The following SLC24A3 variants were observed in gnomAD, a reference collection of about 807,000 sequenced individuals.
SLC24A3 encodes solute carrier family 24 member 3.
A neutral mutation model predicts 75.8 loss-of-function variants in SLC24A3; 28 were observed. The observed-to-expected ratio is 0.37, with a 90% CI of 0.27 to 0.51. SLC24A3 has a LOEUF of 0.51. Among genes scored for constraint, SLC24A3 ranks in the 20% least tolerant of loss-of-function variants. The pLI is 0.94. For missense variants in SLC24A3, 663 were observed against 847.8 expected, an observed-to-expected ratio of 0.78 and a Z score of 2.71; for synonymous variants, 372 against 334.1, an observed-to-expected ratio of 1.11 and a Z score of -1.24.
chr20:19,689,184 A>C (rs1474506397), intron 12 of SLC24A3, among the ~76,000 whole-genome samples: 1 of 152,124 alleles, frequency 6.6e-6, no homozygotes, highest in East Asian at 1.9e-4. Context: ...AAGCAAAATT[A>C]TGTTTTTTCT....
At chr20:19,676,492 A>C (rs911082207) in intron 9 of SLC24A3, among the ~76,000 whole-genome samples, 13 of 152,206 alleles carry the variant, frequency 8.5e-5, no homozygotes. Context: ...CTGCAATCAG[A>C]GGCTTTAATC....
At chr20:19,443,582 T>G (rs1459104573) in intron 2 of SLC24A3, among the ~76,000 whole-genome samples, 1 of 152,214 alleles carries the variant, frequency 6.6e-6, no homozygotes, top group Non-Finnish European at 1.5e-5. Flanking sequence ...GTTGATTCTT[T>G]GGAATTTTCT....
intron 2 of SLC24A3, among the ~76,000 whole-genome samples, chr20:19,423,630 A>G (rs1986952963): frequency 6.6e-6 from 1 of 152,190 alleles, no homozygotes. Flanking sequence ...TTAATAACAC[A>G]GCATCATCCA....
intron 13 of SLC24A3, chr20:19,695,833 C>G (rs1291184985): frequency 6.6e-6 from 1 of 152,096 alleles, no homozygotes; most frequent in Non-Finnish European, 1.5e-5. Flanking sequence ...TACGTAGCAC[C>G]CACTTATGAG....
chr20:19,424,447 TG>T (rs1188735382), intron 2 of SLC24A3, among the ~76,000 whole-genome samples: 1 of 152,122 alleles, frequency 6.6e-6, no homozygotes, highest in Non-Finnish European at 1.5e-5. Context: ...CCCAGCATTT[TG>T]GGAGGCTGAG....
At chr20:19,436,635 A>T (rs1987209399) in intron 2 of SLC24A3, among the ~76,000 whole-genome samples, 1 of 152,182 alleles carries the variant, frequency 6.6e-6, no homozygotes, top group African/African-American at 2.4e-5. Context: ...CTTGGTGTGT[A>T]TTCATGTATC....
intron 6 of SLC24A3, among the ~76,000 whole-genome samples, chr20:19,609,556 C>G (rs1389004446): frequency 6.6e-6 from 1 of 152,046 alleles, no homozygotes; most frequent in African/African-American, 2.4e-5. Flanking sequence ...TCCTAATGCT[C>G]TCCCTCCCCT....
At chr20:19,251,837 G>A (rs578152148) in intron 1 of SLC24A3, among the ~76,000 whole-genome samples, 2 of 152,282 alleles carry the variant, frequency 1.3e-5, no homozygotes, top group Non-Finnish European at 2.9e-5. Context: ...CAGGGCAGCC[G>A]GGGTCCCCAA....
chr20:19,509,172 G>A (rs1013969432), intron 2 of SLC24A3, among the ~76,000 whole-genome samples: 8 of 152,184 alleles, frequency 5.3e-5, no homozygotes, highest in Non-Finnish European at 8.8e-5. Flanking sequence ...CCCATCTACA[G>A]ATGAAGGAAA....
chr20:19,253,704 G>A (rs1042847405), intron 1 of SLC24A3, among the ~76,000 whole-genome samples: 3 of 152,184 alleles, frequency 2.0e-5, no homozygotes, highest in Admixed American at 6.5e-5. Flanking sequence ...CCTATTGTGG[G>A]CCTAACCCAG....
chr20:19,305,501 C>A (rs1234691227), intron 2 of SLC24A3, among the ~76,000 whole-genome samples: 1 of 151,806 alleles, frequency 6.6e-6, no homozygotes. Context: ...TCTTGCCTTG[C>A]TTGAGTGTTT....
intron 6 of SLC24A3, among the ~76,000 whole-genome samples, chr20:19,639,996 G>T (rs1373038739): frequency 6.6e-6 from 1 of 152,240 alleles, no homozygotes. Context: ...GCGCAGCCCT[G>T]ATTCCCGCTG....
chr20:19,298,767 C>G lies in SLC24A3; in HGVS notation c.271+17680C>G, dbSNP rs537370511. On this transcript the variant is annotated intron_variant, in intron 2 of 16. Coordinates refer to ENST00000328041, the MANE Select transcript of SLC24A3 (RefSeq NM_020689.4). ...AATCAATGAAATAGTTGGTATCATT[C>G]CCAGTTACCACTGTGAGCAACTCAG... is the stretch of plus-strand genomic sequence containing the variant. Among the ~76,000 whole-genome samples, 13 of 152,324 alleles carry G rather than the reference C, an allele frequency of 8.5e-5. 1 individual carries two copies. Among genetic ancestry groups the G allele is most frequent in the African/African-American group, 3.1e-4 (13 of 41,580 alleles).
Position 19,685,215 on chromosome 20 carries a change from G to A in SLC24A3, c.1178G>A (p.Arg393Lys). The change falls in exon 12 of 17, where the codon AGG (arginine) becomes AAG (lysine). Residue 393 changes from arginine to lysine, a missense_variant. Physicochemically the swap from Arg to Lys is conservative, Grantham distance 26. This residue lies in a region of SLC24A3 where 510 missense variants were observed against 703.6 expected (regional missense o/e 0.72). Transcript: ENST00000328041. ...ACAGGGCCCAGCAGTGCCCCAGACA[G>A]GGGCGTGAATGGGACACGGAGGGAC... ...NGTGPSSAPD[R>K]GVNGTRRDDV... 6.2e-7 allele frequency: 1 copy of A among 1,614,198 alleles called. No individual in the cohort carries two copies. The highest frequency in any genetic ancestry group is 8.5e-7 in the Non-Finnish European group (1 of 1,180,028).
chr20:19,456,349 C>A (rs955146305), intron 2 of SLC24A3, among the ~76,000 whole-genome samples: 3 of 152,108 alleles, frequency 2.0e-5, no homozygotes, highest in African/African-American at 7.2e-5. Flanking sequence ...ATCGTGGGGG[C>A]AGTTTCCCCC....
chr20:19,466,939 A>G (rs1419794165), intron 2 of SLC24A3, among the ~76,000 whole-genome samples: 1 of 152,230 alleles, frequency 6.6e-6, no homozygotes, highest in East Asian at 1.9e-4. Context: ...GAGGAATAAG[A>G]CAGGGTCCCT....
intron 2 of SLC24A3, among the ~76,000 whole-genome samples, chr20:19,476,833 G>A (rs774143604): frequency 6.6e-6 from 1 of 152,138 alleles, no homozygotes; most frequent in Non-Finnish European, 1.5e-5. Context: ...GAGGAGGAAC[G>A]ATAGCACAGC....
At chr20:19,441,810 C>G (rs1348790083) in intron 2 of SLC24A3, among the ~76,000 whole-genome samples, 1 of 152,092 alleles carries the variant, frequency 6.6e-6, no homozygotes, top group Non-Finnish European at 1.5e-5. Flanking sequence ...CCCTAAAAAT[C>G]CTCAGTGCTC....
At chr20:19,267,158 T>C (rs911604338) in intron 1 of SLC24A3, among the ~76,000 whole-genome samples, 33 of 152,324 alleles carry the variant, frequency 2.2e-4, no homozygotes, top group African/African-American at 7.7e-4. Flanking sequence ...TAGTATCTTA[T>C]TGAGAAAACA....
Sources: gnomAD v4.1 joint callset for allele counts (sites outside exome capture counted in the v4.1 genomes callset) on GRCh38, gnomAD v4.1.1 for gene constraint, gnomAD v4.1.1 regional missense constraint, MANE v1.5 for transcripts, NCBI Gene and HGNC (gene_info 2026-07-23, HGNC 2026-07-21) for gene names.